The following SMYD3 variants were observed in gnomAD, a reference collection of about 807,000 sequenced individuals.
SMYD3 encodes the protein SET and MYND domain containing 3.
A neutral mutation model predicts 57.7 loss-of-function variants in SMYD3; 36 were observed. The ratio of observed to expected loss-of-function variants is 0.62; its 90% CI spans 0.48 to 0.82. The LOEUF is 0.82. Among genes scored for constraint, SMYD3 ranks in the 40% least tolerant of loss-of-function variants. The pLI is 0.00. For missense variants in SMYD3, 515 were observed against 538.8 expected, an observed-to-expected ratio of 0.96 and a Z score of 0.44; for synonymous variants, 211 against 195.0, an observed-to-expected ratio of 1.08 and a Z score of -0.68.
intron 10 of SMYD3, among the ~76,000 whole-genome samples, chr1:245,791,320 T>C (rs2047257025): frequency 6.6e-6 from 1 of 152,188 alleles, no homozygotes; most frequent in Non-Finnish European, 1.5e-5. Context: ...GCTTTCCAAA[T>C]TCCTCTTGGG....
At chr1:245,820,736 T>G (rs2049113559) in intron 10 of SMYD3, among the ~76,000 whole-genome samples, 1 of 151,134 alleles carries the variant, frequency 6.6e-6, no homozygotes, top group Non-Finnish European at 1.5e-5. Flanking sequence ...TCACAAGCAT[T>G]CTTATACACC....
chr1:246,493,231 G>A (rs1339201401), intron 1 of SMYD3, among the ~76,000 whole-genome samples: 2 of 151,764 alleles, frequency 1.3e-5, no homozygotes, highest in African/African-American at 4.8e-5. Context: ...GAGGGGGGCT[G>A]AGGTAGGAGG....
At chr1:246,097,212 T>C (rs1319873778) in intron 5 of SMYD3, among the ~76,000 whole-genome samples, 1 of 152,216 alleles carries the variant, frequency 6.6e-6, no homozygotes, top group African/African-American at 2.4e-5. Flanking sequence ...ATTTATTGTT[T>C]CCTTAACTTG....
At chr1:246,299,213 G>T (rs543626785) in intron 5 of SMYD3, among the ~76,000 whole-genome samples, 1 of 151,946 alleles carries the variant, frequency 6.6e-6, no homozygotes, top group African/African-American at 2.4e-5. Context: ...AAATTTTAAT[G>T]TTACATGCAG....
intron 5 of SMYD3, among the ~76,000 whole-genome samples, chr1:246,054,873 TAAAAAAAA>T (rs749022916): frequency 2.5e-5 from 2 of 79,112 alleles, no homozygotes; most frequent in Non-Finnish European, 5.7e-5. Flanking sequence ...AGGATGACTA[TAAAAAAAA>T]AAAAAAAAAA....
chr1:245,857,052 A>G (rs1450928219), intron 10 of SMYD3, among the ~76,000 whole-genome samples: 2 of 152,242 alleles, frequency 1.3e-5, no homozygotes, highest in Non-Finnish European at 2.9e-5. Flanking sequence ...CACTCTGAGC[A>G]GGCATTTCAC....
chr1:246,481,623 CATACAT>C (rs1252080843), intron 1 of SMYD3, among the ~76,000 whole-genome samples: 494 of 20,364 alleles, frequency 0.024, 31 homozygotes, highest in African/African-American at 0.054. Context: ...TACATATATA[CATACAT>C]ACATACACAT....
intron 10 of SMYD3, among the ~76,000 whole-genome samples, chr1:245,786,296 T>A (rs1018793063): frequency 1.3e-5 from 2 of 151,516 alleles, no homozygotes; most frequent in Admixed American, 1.3e-4. Flanking sequence ...CAACAAAGAT[T>A]ATACTACCTA....
intron 10 of SMYD3, among the ~76,000 whole-genome samples, chr1:245,820,496 T>C (rs1256664404): frequency 9.4e-5 from 14 of 148,944 alleles, no homozygotes; most frequent in African/African-American, 3.2e-4. Context: ...AAGACAGGGA[T>C]GCCCTCTCTC....
intron 10 of SMYD3, among the ~76,000 whole-genome samples, chr1:245,841,862 C>A (rs963989340): frequency 2.0e-5 from 3 of 152,196 alleles, no homozygotes; most frequent in East Asian, 3.8e-4. Context: ...TGCCACATAA[C>A]ATTTCAGTCA....
chr1:246,323,541 C>T (rs1168381744), intron 5 of SMYD3, among the ~76,000 whole-genome samples: 1 of 152,136 alleles, frequency 6.6e-6, no homozygotes, highest in Non-Finnish European at 1.5e-5. Context: ...TTAGAAAAAG[C>T]CATCAGCTCA....
chr1:246,440,902 CTG>C lies in SMYD3; in HGVS notation c.164+66150_164+66151del, dbSNP rs138635380. Among the ~76,000 whole-genome samples the C allele has an allele frequency of 3.6e-3, 547 of 152,278 alleles. 3 individuals carry two copies. The highest frequency in any genetic ancestry group is 0.012 in the African/African-American group (511 of 41,554). On this transcript the variant is annotated intron_variant, in intron 1 of 11. Transcript: ENST00000490107. ...ATTTTCCTAAGAGGAAGAAATCCCT[CTG>C]TGAATGGAACAATAACCTCAGTGCC...
chr1:245,801,248 G>A (rs2047846241), intron 10 of SMYD3, among the ~76,000 whole-genome samples: 1 of 152,170 alleles, frequency 6.6e-6, no homozygotes, highest in African/African-American at 2.4e-5. Flanking sequence ...GCTTTTATAT[G>A]CAAAAGTGTT....
At chr1:246,188,311 G>T (rs888783584) in intron 5 of SMYD3, among the ~76,000 whole-genome samples, 3 of 152,114 alleles carry the variant, frequency 2.0e-5, no homozygotes, top group African/African-American at 4.8e-5. Context: ...TCTGAAAAGA[G>T]GATCTCCTTG....
intron 5 of SMYD3, among the ~76,000 whole-genome samples, chr1:246,125,232 G>A (rs2061492999): frequency 6.6e-6 from 1 of 152,186 alleles, no homozygotes; most frequent in Non-Finnish European, 1.5e-5. Flanking sequence ...ATATATTGAA[G>A]TTGAATCTGC....
intron 5 of SMYD3, among the ~76,000 whole-genome samples, chr1:246,191,761 T>C (rs1173371242): frequency 6.6e-6 from 1 of 152,184 alleles, no homozygotes; most frequent in Non-Finnish European, 1.5e-5. Flanking sequence ...TCCCTATCTG[T>C]ATCTGCCCAA....
chr1:246,394,218 T>C (rs965259485), intron 1 of SMYD3, among the ~76,000 whole-genome samples: 3 of 152,244 alleles, frequency 2.0e-5, no homozygotes, highest in African/African-American at 4.8e-5. Flanking sequence ...CTATGTAGTA[T>C]GTATAACTGA....
At chr1:246,115,153 T>C (rs936533863) in intron 5 of SMYD3, among the ~76,000 whole-genome samples, 16 of 144,610 alleles carry the variant, frequency 1.1e-4, no homozygotes, top group African/African-American at 4.3e-4. Context: ...TCAACAAATC[T>C]GCAGAAGGTC....
chr1:246,404,756 T>C (rs2066832307), intron 1 of SMYD3, among the ~76,000 whole-genome samples: 1 of 152,132 alleles, frequency 6.6e-6, no homozygotes, highest in Non-Finnish European at 1.5e-5. Context: ...GAAAATCAAC[T>C]TCCTCGGTCA....
Sources: gnomAD v4.1 joint callset for allele counts (sites outside exome capture counted in the v4.1 genomes callset) on GRCh38, gnomAD v4.1.1 for gene constraint, MANE v1.5 for transcripts, NCBI Gene and HGNC (gene_info 2026-07-23, HGNC 2026-07-21) for gene names.